DNM3: variants seen among roughly 807,000 people sequenced by gnomAD.
The protein encoded by DNM3 is dynamin 3, also known as dynamin-3.
In DNM3, 47 loss-of-function variants were observed where a neutral mutation model predicts 101.6. The observed-to-expected ratio is 0.46, with a 90% CI of 0.37 to 0.59. The LOEUF (loss-of-function observed/expected upper bound fraction) is 0.59. Among genes scored for constraint, DNM3 ranks in the 20% least tolerant of loss-of-function variants. The pLI, the probability that DNM3 is intolerant of heterozygous loss-of-function variation, is 0.00. For missense variants in DNM3, 849 were observed against 1,085.7 expected (o/e 0.78, Z 3.06); for synonymous variants, 385 against 387.9 (o/e 0.99, Z 0.09).
At chr1:172,128,596 AT>A (rs368703992) in intron 13 of DNM3, among the ~76,000 whole-genome samples, 111 of 152,342 alleles carry the variant, frequency 7.3e-4, no homozygotes, top group African/African-American at 2.6e-3. Flanking sequence ...ACATGCAATA[AT>A]TGTTTTAAAT....
At position 172,048,715 on chromosome 1, in the gene DNM3, G is replaced by C. The variant is rs2049990378; in HGVS notation, c.1300G>C (p.Glu434Gln). 1.2e-6 allele frequency: 2 copies of C among 1,612,548 alleles called. No individual in the cohort carries two copies. Among genetic ancestry groups the C allele is most frequent in the Non-Finnish European group, 1.7e-6 (2 of 1,179,304 alleles). ...SLKSVDLVIQ[E>Q]LINTVKKCTK... ...GAAGAGTGTGGATCTGGTAATACAA[G>C]AATTAATCAACACTGTGAAGAAGTG... Residue 434 changes from glutamate to glutamine, a missense_variant, in exon 10 of 21, where the codon GAA becomes CAA. Around this residue, in one of 5 missense-constraint regions of DNM3, gnomAD observed 193 missense variants for 238.4 expected, o/e 0.81. Transcript: ENST00000627582.
At chr1:171,855,485 A>G (rs1026316181) in intron 1 of DNM3, among the ~76,000 whole-genome samples, 5 of 152,076 alleles carry the variant, frequency 3.3e-5, no homozygotes, top group African/African-American at 1.2e-4. Flanking sequence ...ACTAATTTAC[A>G]CTCTCACCAA....
chr1:171,982,055 T>C (rs2044842219), intron 2 of DNM3, among the ~76,000 whole-genome samples: 1 of 152,142 alleles, frequency 6.6e-6, no homozygotes, highest in Admixed American at 6.5e-5. Flanking sequence ...ATGAAAGGAA[T>C]ACTGAGAACA....
chr1:172,188,203 C>T (rs1168785322), intron 14 of DNM3, among the ~76,000 whole-genome samples: 1 of 152,050 alleles, frequency 6.6e-6, no homozygotes, highest in Non-Finnish European at 1.5e-5. Flanking sequence ...TCTGATATTA[C>T]TCCTATTTCA....
intron 2 of DNM3, among the ~76,000 whole-genome samples, chr1:171,950,789 T>C (rs1010622699): frequency 7.9e-5 from 12 of 152,202 alleles, no homozygotes; most frequent in Non-Finnish European, 1.5e-5. Flanking sequence ...GGTACACACG[T>C]GTGTACTTAC....
chr1:172,068,736 T>C, intron 10 of DNM3, 83 bp from the exon 11 acceptor site: 1 of 1,235,354 alleles, frequency 8.1e-7, no homozygotes, highest in South Asian at 1.3e-5. Context: ...ATATCTTCTG[T>C]AAAATAACAT....
At chr1:172,144,741 G>A (rs577017471) in intron 14 of DNM3, 1 of 381,712 alleles carries the variant, frequency 2.6e-6, no homozygotes, top group Non-Finnish European at 5.4e-6. Context: ...CTGCTGCGCT[G>A]ACTGAGACAC....
At chr1:172,311,411 C>G (rs1228739912) in intron 16 of DNM3, 1 of 151,328 alleles carries the variant, frequency 6.6e-6, no homozygotes, top group Non-Finnish European at 1.5e-5. Context: ...TAAATTAAAC[C>G]TATTTCAAAT....
At chr1:171,848,353 T>C (rs188259339) in intron 1 of DNM3, among the ~76,000 whole-genome samples, 172 of 152,322 alleles carry the variant, frequency 1.1e-3, no homozygotes, top group African/African-American at 4.0e-3. Context: ...GAGCAGAATT[T>C]TTCTCAGACT....
At chr1:172,215,497 T>C (rs192712249) in intron 14 of DNM3, among the ~76,000 whole-genome samples, 383 of 152,124 alleles carry the variant, frequency 2.5e-3, no homozygotes, top group Non-Finnish European at 3.7e-3. Context: ...GTCTTTATTA[T>C]GTATGTATGT....
intron 13 of DNM3, among the ~76,000 whole-genome samples, chr1:172,105,709 C>T (rs1358099257): frequency 1.3e-5 from 2 of 152,012 alleles, no homozygotes; most frequent in Admixed American, 6.5e-5. Flanking sequence ...CATTTTTTCA[C>T]TTGCTGTTTT....
chr1:172,208,503 C>T (rs1018352908), intron 14 of DNM3, among the ~76,000 whole-genome samples: 9 of 151,992 alleles, frequency 5.9e-5, no homozygotes, highest in East Asian at 1.9e-4. Flanking sequence ...CTGAGATCTC[C>T]GAGGAAAAGT....
chr1:172,400,030 A>T (rs2070347254), intron 20 of DNM3: 1 of 152,214 alleles, frequency 6.6e-6, no homozygotes. Context: ...GCTCCCTCTC[A>T]GAAAGGGACA....
chr1:171,989,913 A>G (rs1435790451), intron 4 of DNM3, among the ~76,000 whole-genome samples: 5 of 152,048 alleles, frequency 3.3e-5, no homozygotes, highest in Non-Finnish European at 5.9e-5. Flanking sequence ...TGTAGTTCTT[A>G]TTAGCATGTT....
chr1:172,090,827 A>G (rs1205856404), intron 12 of DNM3, among the ~76,000 whole-genome samples: 1 of 152,192 alleles, frequency 6.6e-6, no homozygotes, highest in Non-Finnish European at 1.5e-5. Context: ...CTGCAGCACA[A>G]CATCCCATCA....
intron 13 of DNM3, among the ~76,000 whole-genome samples, chr1:172,102,235 C>G (rs2054700662): frequency 6.6e-6 from 1 of 152,018 alleles, no homozygotes; most frequent in African/African-American, 2.4e-5. Flanking sequence ...ATCTGATGAA[C>G]CAAAAAACTA....
chr1:172,016,803 T>C (rs1281727671), intron 4 of DNM3, among the ~76,000 whole-genome samples: 2 of 152,160 alleles, frequency 1.3e-5, no homozygotes, highest in East Asian at 1.9e-4. Context: ...ACCTATTTCT[T>C]CTGGTGTGAT....
Position 172,027,398 on chromosome 1 carries a change from G to A in DNM3, c.590-5004G>A, listed in dbSNP as rs200120940. Among the ~76,000 whole-genome samples the A allele has an allele frequency of 1.9e-4, 29 of 152,104 alleles. No individual in the cohort carries two copies. In the East Asian group the frequency reaches 4.3e-3, roughly 22 times the overall value. On this transcript the variant is annotated intron_variant, in intron 4 of 20. Transcript: ENST00000627582. ...AGGAGTTCGAGACCAGCCTGGCCAA[G>A]ATGGTGAAACCCTGTTACTAAAAAA...
At chr1:172,170,343 G>A (rs192485931) in intron 14 of DNM3, among the ~76,000 whole-genome samples, 3 of 151,926 alleles carry the variant, frequency 2.0e-5, no homozygotes, top group African/African-American at 7.2e-5. Context: ...GCTGCTATGT[G>A]AACACAGATG....
Sources: gnomAD v4.1 joint callset for allele counts (sites outside exome capture counted in the v4.1 genomes callset) on GRCh38, gnomAD v4.1.1 for gene constraint, gnomAD v4.1.1 regional missense constraint, MANE v1.5 for transcripts, NCBI Gene and HGNC (gene_info 2026-07-23, HGNC 2026-07-21) for gene names.